The following ACAA2 variants were observed in gnomAD, a reference collection of about 807,000 sequenced individuals.
ACAA2 encodes the protein 3-ketoacyl-CoA thiolase, mitochondrial.
In ACAA2, 35 loss-of-function variants were observed where a neutral mutation model predicts 44.8. The observed-to-expected ratio is 0.78, with a 90% CI of 0.60 to 1.04. ACAA2 has a LOEUF of 1.04. Among genes scored for constraint, ACAA2 ranks in the 50% least tolerant of loss-of-function variants. ACAA2 has a pLI of 0.00. For synonymous variants in ACAA2, 142 were observed against 166.5 expected, an observed-to-expected ratio of 0.85 and a Z score of 1.13; for missense variants, 468 against 482.6, an observed-to-expected ratio of 0.97 and a Z score of 0.28.
chr18:49,792,389 C>A (rs1450338894), intron 5 of ACAA2, 62 bp from the exon 6 acceptor site: 1 of 1,364,948 alleles, frequency 7.3e-7, no homozygotes, highest in Admixed American at 2.0e-5. Context: ...ATAAATCAAA[C>A]ATATTATTCA....
At position 49,783,628 on chromosome 18, in the gene ACAA2, ACAT is replaced by A. The variant is rs2023291496; in HGVS notation, c.*216_*218del. 1.0e-5 allele frequency: 5 copies of A among 484,948 alleles called. No homozygotes were observed. The highest frequency in any genetic ancestry group is 5.7e-4 in the Middle Eastern group (1 of 1,752). 30.0% of individuals were successfully genotyped at this position (484,948 alleles called of 1,614,324 possible). A position where few individuals can be genotyped will look rare whatever the true frequency, so the allele number is the denominator to read the frequency against. On this transcript the variant is annotated 3_prime_UTR_variant, in exon 10 of 10. Transcript: ENST00000285093. The stretch of plus-strand genomic sequence containing the variant: ...TATAGTTGAGTTTTAGCTCAGAAAT[ACAT>A]CATATTTCACTGGTTCAAATCTGAG...
intron 8 of ACAA2, among the ~76,000 whole-genome samples, chr18:49,786,828 TCAAGCTACAACTATCGTATAA>T (rs2023335369): frequency 6.6e-6 from 1 of 152,142 alleles, no homozygotes; most frequent in African/African-American, 2.4e-5. Context: ...GCATCCCAAA[TCAAGCTACAACTATCGTATAA>T]AAGCCAAAGA....
Position 49,795,824 on chromosome 18 carries a change from G to A in ACAA2, c.370C>T (p.Gln124Ter). ...VLCGGTESMS[Q>*]APYCVRNVRF... ...ACATTTCTGACACAGTAGGGAGCTT[G>A]GCTCATGCTTTCGGTTCCTCCACAT... is the stretch of plus-strand genomic sequence containing the variant. Residue 124 changes from glutamine to a stop codon, truncating the protein, a stop_gained, in exon 4 of 10, where the codon CAA (glutamine) becomes TAA (stop). Coordinates refer to ENST00000285093, the MANE Select transcript of ACAA2 (RefSeq NM_006111.3). LOFTEE classifies it high-confidence loss of function. The A allele has an allele frequency of 6.2e-7, 1 of 1,612,268 alleles. No individual in the cohort carries two copies. The highest frequency in any genetic ancestry group is 8.5e-7 in the Non-Finnish European group (1 of 1,179,052).
chr18:49,800,212 C>CGGGAGGGA (rs1325637248), intron 2 of ACAA2, among the ~76,000 whole-genome samples: 1 of 128,120 alleles, frequency 7.8e-6, no homozygotes, highest in Non-Finnish European at 1.7e-5. Context: ...CCGCCCCGTC[C>CGGGAGGGA]GGGAGGTGGG....
intron 5 of ACAA2, 35 bp from the exon 6 acceptor site, chr18:49,792,362 A>G (rs975559202): frequency 2.0e-6 from 3 of 1,525,622 alleles, no homozygotes; most frequent in Admixed American, 1.9e-5. Context: ...ATAAGAATAA[A>G]AGAGAGAAAC....
chr18:49,783,606 A>G lies in ACAA2; in HGVS notation c.*241T>C. The G allele has an allele frequency of 2.4e-6, 1 of 422,084 alleles. No homozygotes were observed. The highest frequency in any genetic ancestry group is 4.4e-6 in the Non-Finnish European group (1 of 228,364). The allele number at this position is 422,084 out of a possible 1,614,324, so 26.1% of individuals were successfully genotyped here. ...TACGATTTCTTTTAATGTCTTCTAT[A>G]GTTGAGTTTTAGCTCAGAAATACAT... On this transcript the variant is annotated 3_prime_UTR_variant, in exon 10 of 10. Transcript: ENST00000285093.
intron 4 of ACAA2, among the ~76,000 whole-genome samples, chr18:49,795,121 G>A (rs1393772524): frequency 6.6e-6 from 1 of 152,170 alleles, no homozygotes; most frequent in African/African-American, 2.4e-5. Flanking sequence ...AAAAGGCCAG[G>A]TGAGAAACTG....
At chr18:49,803,973 C>T (rs1162740500) in intron 1 of ACAA2, among the ~76,000 whole-genome samples, 4 of 148,984 alleles carry the variant, frequency 2.7e-5, no homozygotes, top group African/African-American at 7.4e-5. Context: ...CGCAGTGGCG[C>T]GATTTCGGCT....
Position 49,798,055 on chromosome 18 carries a change from AG to A in ACAA2, c.184-462del, listed in dbSNP as rs2023485502. Among the ~76,000 whole-genome samples, 6 of 152,346 alleles carry A rather than the reference AG, an allele frequency of 3.9e-5. No individual in the cohort carries two copies. In the South Asian group the frequency reaches 1.2e-3, roughly 32 times the overall value. ...CCTAAAGTAGTATGCTCCTTAACAG[AG>A]GAAGTATCGGAGGCTGTGGTTCTCA... On this transcript the variant is annotated intron_variant, in intron 2 of 9. Coordinates refer to ENST00000285093, the MANE Select transcript of ACAA2 (RefSeq NM_006111.3).
intron 3 of ACAA2, among the ~76,000 whole-genome samples, 187 bp downstream of exon 3, chr18:49,797,279 T>TC (rs397935915): frequency 1.3e-5 from 2 of 151,458 alleles, no homozygotes; most frequent in Non-Finnish European, 2.9e-5. Context: ...TTTTTTTTTT[T>TC]CTTTTTTTTG....
chr18:49,802,390 T>C (rs887654411), intron 2 of ACAA2, among the ~76,000 whole-genome samples: 12 of 151,822 alleles, frequency 7.9e-5, no homozygotes, highest in African/African-American at 2.9e-4. Flanking sequence ...GGTAAAACCC[T>C]GTCTCTATTA....
chr18:49,787,347 TAGC>T lies in ACAA2; in HGVS notation c.895_897del (p.Ala299del). ...CCTGCTTTCTTCAGTGCCCCACTGA[TAGC>T]AGGGACAGGACCTATATAATAATAA... is the stretch of plus-strand genomic sequence containing the variant. On this transcript the variant is annotated inframe_deletion, in exon 8 of 10. Coordinates refer to ENST00000285093, the MANE Select transcript of ACAA2 (RefSeq NM_006111.3). 2.0e-6 allele frequency: 3 copies of T among 1,470,846 alleles called. No individual in the cohort carries two copies. Among genetic ancestry groups the T allele is most frequent in the Non-Finnish European group, 1.8e-6 (2 of 1,111,914 alleles). The allele number at this position is 1,470,846 out of a possible 1,614,324, so 91.1% of individuals were successfully genotyped here.
rs1239954355 is a variant in ACAA2, at chr18:49,797,381, A to C, written c.312+85T>G. 4.6e-6 allele frequency: 6 copies of C among 1,306,864 alleles called. No individual in the cohort carries two copies. The African/African-American group carries it at 9.0e-5, about 20-fold the overall frequency. The allele number at this position is 1,306,864 out of a possible 1,614,324, so 81.0% of individuals were successfully genotyped here. A position where few individuals can be genotyped will look rare whatever the true frequency, so the allele number is the denominator to read the frequency against. On this transcript the variant is annotated intron_variant, in intron 3 of 9. Coordinates refer to ENST00000285093, the MANE Select transcript of ACAA2 (RefSeq NM_006111.3). ...CCAGGGCTCAAGCAATCCTCCCTAA[A>C]GCTAAAGTGTTATATTGCAGTGGGA... is the stretch of plus-strand genomic sequence containing the variant.
chr18:49,805,653 T>C (rs1405456274), intron 1 of ACAA2, among the ~76,000 whole-genome samples: 1 of 152,082 alleles, frequency 6.6e-6, no homozygotes, highest in East Asian at 1.9e-4. Flanking sequence ...CCTCGACCTC[T>C]GCAGCCTCGA....
Position 49,797,446 on chromosome 18 carries a change from TA to T in ACAA2, c.312+19del. The T allele has an allele frequency of 6.3e-7, 1 of 1,591,104 alleles. No individual in the cohort carries two copies. Among genetic ancestry groups the T allele is most frequent in the South Asian group, 1.1e-5 (1 of 87,364 alleles). On this transcript the variant is annotated intron_variant, in intron 3 of 9. Transcript: ENST00000285093. Reference sequence around the variant, plus strand: ...ACTATTAACATATTTTCAGAGAATTTAAAAAAATGTTGTCCATACCTGACAT... The same window carrying T: ...ACTATTAACATATTTTCAGAGAATTTAAAAAATGTTGTCCATACCTGACAT...
rs143936108 is a variant in ACAA2 at position 49,813,033 on chromosome 18, C to CCT, written c.16+434_16+435dup. 29 of 165,650 alleles carry CCT rather than the reference C, an allele frequency of 1.8e-4. No homozygotes were observed. The East Asian group carries it at 3.9e-3, about 22-fold the overall frequency. 10.3% of individuals were successfully genotyped at this position (165,650 alleles called of 1,614,324 possible). A position where few individuals can be genotyped will look rare whatever the true frequency, so the allele number is the denominator to read the frequency against. ...GAACACCAGCTACCATTTCTGCAGG[C>CCT]CTCTCCATCGATTCACCCGGGGAGC... On this transcript the variant is annotated intron_variant, in intron 1 of 9. Coordinates refer to ENST00000285093, the MANE Select transcript of ACAA2 (RefSeq NM_006111.3).
At chr18:49,799,460 G>A (rs1464497846) in intron 2 of ACAA2, among the ~76,000 whole-genome samples, 5 of 152,318 alleles carry the variant, frequency 3.3e-5, no homozygotes, top group African/African-American at 7.2e-5. Flanking sequence ...CGAGTGATCC[G>A]CCAGCCTCGG....
intron 1 of ACAA2, among the ~76,000 whole-genome samples, chr18:49,804,748 G>A (rs899657731): frequency 4.6e-5 from 7 of 151,886 alleles, no homozygotes; most frequent in East Asian, 1.9e-4. Flanking sequence ...TAGTTAAATC[G>A]GTGTCCTTGT....
intron 9 of ACAA2, 39 bp downstream of exon 9, chr18:49,785,158 A>T: frequency 6.3e-7 from 1 of 1,598,002 alleles, no homozygotes; most frequent in Non-Finnish European, 8.5e-7. Context: ...TTTCTATAAA[A>T]AACAGCAAAT....
Sources: gnomAD v4.1 joint callset for allele counts (sites outside exome capture counted in the v4.1 genomes callset) on GRCh38, gnomAD v4.1.1 for gene constraint, MANE v1.5 for transcripts, NCBI Gene and HGNC (gene_info 2026-07-23, HGNC 2026-07-21) for gene names.